BORCS5: variants seen among roughly 807,000 people sequenced by gnomAD.
The protein encoded by BORCS5 is BLOC-1-related complex subunit 5.
BORCS5 carries 17 observed loss-of-function variants against 22.1 expected under a neutral mutation model. That is an observed-to-expected ratio of 0.77 (90% CI 0.53 to 1.15). The LOEUF (loss-of-function observed/expected upper bound fraction) is 1.15, where lower values mean the gene tolerates loss of function less well. Among genes scored for constraint, BORCS5 ranks in the 50% most tolerant of loss-of-function variants. BORCS5 has a pLI of 0.00. For missense variants in BORCS5, 247 were observed against 253.2 expected (o/e 0.98, Z 0.17); for synonymous variants, 117 against 99.8 (o/e 1.17, Z -1.03).
At chr12:12,429,036 G>GT (rs2136116143) in intron 2 of BORCS5, among the ~76,000 whole-genome samples, 1 of 152,334 alleles carries the variant, frequency 6.6e-6, no homozygotes, top group African/African-American at 2.4e-5. Context: ...GGTAATGTGG[G>GT]TGAGTGGAGC....
intron 2 of BORCS5, among the ~76,000 whole-genome samples, chr12:12,373,789 T>C (rs1183493214): frequency 6.6e-6 from 1 of 152,062 alleles, no homozygotes; most frequent in Non-Finnish European, 1.5e-5. Context: ...TTTAGACAGG[T>C]AAGTATTCAC....
At chr12:12,414,766 G>A (rs1371913914) in intron 2 of BORCS5, among the ~76,000 whole-genome samples, 5 of 134,010 alleles carry the variant, frequency 3.7e-5, no homozygotes, top group East Asian at 2.1e-4. Flanking sequence ...GGTGGCTGCC[G>A]GACGGAGGGG....
In BORCS5 at chr12:12,466,191, G is replaced by A. The variant is rs1237729323; in HGVS notation, c.*415G>A. 1 of 163,618 alleles carries A rather than the reference G, an allele frequency of 6.1e-6. No homozygotes were observed. The highest frequency in any genetic ancestry group is 1.3e-5 in the Non-Finnish European group (1 of 75,986). 10.1% of individuals were successfully genotyped at this position (163,618 alleles called of 1,614,324 possible). On this transcript the variant is annotated 3_prime_UTR_variant, in exon 4 of 4. Transcript: ENST00000314565. The stretch of plus-strand genomic sequence containing the variant: ...CAACGCCCTCATGAACTTTTCAGTA[G>A]GCTGTCTGGTTTATGTGTGGTCAAC...
At chr12:12,433,321 T>TC (rs1265384197) in intron 2 of BORCS5, among the ~76,000 whole-genome samples, 1,006 of 33,152 alleles carry the variant, frequency 0.03, 15 homozygotes, top group South Asian at 0.068. Context: ...AGACTGTGTC[T>TC]CAAAAAAAAA....
chr12:12,415,550 G>C (rs189204226), intron 2 of BORCS5, among the ~76,000 whole-genome samples: 2,945 of 107,450 alleles, frequency 0.027, 90 homozygotes, highest in Non-Finnish European at 0.042. Context: ...GAAGGAGACC[G>C]TGGAGAGAGG....
At chr12:12,389,382 C>T (rs1249609196) in intron 2 of BORCS5, among the ~76,000 whole-genome samples, 3 of 151,042 alleles carry the variant, frequency 2.0e-5, no homozygotes, top group South Asian at 2.1e-4. Flanking sequence ...AGGTGATCCA[C>T]CCGCCTTGGC....
chr12:12,434,743 A>T (rs1273189357), intron 2 of BORCS5, among the ~76,000 whole-genome samples: 2 of 152,228 alleles, frequency 1.3e-5, no homozygotes, highest in Non-Finnish European at 2.9e-5. Context: ...TAAATGATTT[A>T]ATATTTAAGA....
chr12:12,376,919 T>C, intron 2 of BORCS5, among the ~76,000 whole-genome samples: 1 of 152,190 alleles, frequency 6.6e-6, no homozygotes, highest in Non-Finnish European at 1.5e-5. Context: ...CTGTAGCACC[T>C]GCATTTCTCA....
intron 2 of BORCS5, among the ~76,000 whole-genome samples, chr12:12,388,809 A>C (rs1485316925): frequency 6.6e-6 from 1 of 151,236 alleles, no homozygotes; most frequent in East Asian, 1.9e-4. Context: ...GAAACAGAAC[A>C]TCAAGGCAAC....
intron 2 of BORCS5, among the ~76,000 whole-genome samples, chr12:12,424,614 T>G (rs950003351): frequency 2.0e-4 from 31 of 152,154 alleles, no homozygotes; most frequent in African/African-American, 7.5e-4. Context: ...TGATTTTTTT[T>G]TTTTTGAAAA....
chr12:12,437,056 T>C (rs1371028415), intron 3 of BORCS5, among the ~76,000 whole-genome samples: 3 of 152,236 alleles, frequency 2.0e-5, no homozygotes, highest in African/African-American at 7.2e-5. Context: ...GGTCTGTGAA[T>C]CATTATTTTA....
intron 2 of BORCS5, among the ~76,000 whole-genome samples, chr12:12,403,733 TG>T: frequency 6.6e-6 from 1 of 152,264 alleles, no homozygotes; most frequent in East Asian, 1.9e-4. Context: ...GCCCTGGGAT[TG>T]GAATCTTTGT....
At chr12:12,374,224 C>A (rs1301806025) in intron 2 of BORCS5, among the ~76,000 whole-genome samples, 1 of 151,716 alleles carries the variant, frequency 6.6e-6, no homozygotes, top group Admixed American at 6.6e-5. Flanking sequence ...ATCTCCTGAC[C>A]TCGTGATCCG....
chr12:12,469,565 A>C lies in BORCS5; in HGVS notation c.*3789A>C, dbSNP rs1943256398. 1 of 152,250 alleles carries C rather than the reference A, an allele frequency of 6.6e-6. No homozygotes were observed. Among genetic ancestry groups the C allele is most frequent in the African/African-American group, 2.4e-5 (1 of 41,470 alleles). 9.4% of individuals were successfully genotyped at this position (152,250 alleles called of 1,614,324 possible). On this transcript the variant is annotated 3_prime_UTR_variant, in exon 4 of 4. Coordinates refer to ENST00000314565, the MANE Select transcript of BORCS5 (RefSeq NM_058169.6). ...TAAACTAATGGCCCTGGGGCGAATG[A>C]CGTATGCCACTTTTGTGTTGATTTG...
At chr12:12,429,099 G>A (rs1337200129) in intron 2 of BORCS5, among the ~76,000 whole-genome samples, 1 of 152,098 alleles carries the variant, frequency 6.6e-6, no homozygotes, top group Non-Finnish European at 1.5e-5. Context: ...ACAGGCAAGT[G>A]CACAACTCAT....
At chr12:12,411,474 ATATT>A (rs1404302788) in intron 2 of BORCS5, among the ~76,000 whole-genome samples, 2 of 152,230 alleles carry the variant, frequency 1.3e-5, no homozygotes, top group African/African-American at 4.8e-5. Context: ...AATTCTCTAT[ATATT>A]CTGGATATAA....
At chr12:12,384,073 T>C (rs1028599713) in intron 2 of BORCS5, among the ~76,000 whole-genome samples, 1 of 151,318 alleles carries the variant, frequency 6.6e-6, no homozygotes, top group Non-Finnish European at 1.5e-5. Context: ...GAATTTTTCA[T>C]TTCCATTATT....
At chr12:12,363,395 A>T (rs1245767283) in intron 2 of BORCS5, among the ~76,000 whole-genome samples, 3 of 151,510 alleles carry the variant, frequency 2.0e-5, no homozygotes, top group Non-Finnish European at 4.4e-5. Flanking sequence ...AGGTTAGGAG[A>T]TCAATACCAG....
chr12:12,440,876 G>T (rs1018257559), intron 3 of BORCS5, among the ~76,000 whole-genome samples: 5 of 152,144 alleles, frequency 3.3e-5, no homozygotes, highest in Admixed American at 2.6e-4. Context: ...TAAGCACTTC[G>T]CCCAGGTCAC....
Sources: gnomAD v4.1 joint callset for allele counts (sites outside exome capture counted in the v4.1 genomes callset) on GRCh38, gnomAD v4.1.1 for gene constraint, MANE v1.5 for transcripts, NCBI Gene and HGNC (gene_info 2026-07-23, HGNC 2026-07-21) for gene names.